PHF14: variants seen among roughly 807,000 people sequenced by gnomAD.
The protein encoded by PHF14 is PHD finger protein 14.
Under a neutral mutation model 117.9 loss-of-function variants are expected in PHF14, and 55 were observed. The observed-to-expected ratio is 0.47, with a 90% CI of 0.38 to 0.58. The LOEUF is 0.58. Ranked by LOEUF, PHF14 falls within the 20% of genes least tolerant of loss-of-function variation. The probability of loss-of-function intolerance (pLI) is 0.00; values close to 1 mark genes in which losing one functional copy is unlikely to be tolerated. For missense variants in PHF14, 978 were observed against 1,122.2 expected (o/e 0.87, Z 1.84); for synonymous variants, 409 against 368.6 (o/e 1.11, Z -1.26).
intron 16 of PHF14, among the ~76,000 whole-genome samples, chr7:11,069,698 C>A (rs952100976): frequency 3.7e-5 from 5 of 135,924 alleles, no homozygotes; most frequent in African/African-American, 1.4e-4. Flanking sequence ...TCCTTCCTTC[C>A]TTCTTTCTTG....
At chr7:11,127,357 C>T (rs1292413363) in intron 17 of PHF14, among the ~76,000 whole-genome samples, 1 of 151,608 alleles carries the variant, frequency 6.6e-6, no homozygotes, top group Admixed American at 6.6e-5. Flanking sequence ...TTCCGTTTAT[C>T]TCTTTTTTGA....
chr7:11,143,091 G>A (rs1197313599), intron 17 of PHF14, among the ~76,000 whole-genome samples: 2 of 152,014 alleles, frequency 1.3e-5, no homozygotes, highest in Non-Finnish European at 2.9e-5. Flanking sequence ...CTTACTTTGG[G>A]TATCTATATT....
intron 3 of PHF14, among the ~76,000 whole-genome samples, chr7:10,985,898 C>T (rs957460456): frequency 2.0e-5 from 3 of 152,018 alleles, no homozygotes; most frequent in Non-Finnish European, 4.4e-5. Flanking sequence ...AGTGATCCAC[C>T]TGCCTTGGCC....
chr7:10,994,666 C>T (rs1041502156), intron 4 of PHF14, among the ~76,000 whole-genome samples: 1 of 151,998 alleles, frequency 6.6e-6, no homozygotes, highest in African/African-American at 2.4e-5. Flanking sequence ...TGTGGATCCT[C>T]GCGGTGAGTG....
intron 4 of PHF14, among the ~76,000 whole-genome samples, chr7:10,994,771 C>G (rs1294330985): frequency 2.0e-5 from 3 of 152,060 alleles, no homozygotes; most frequent in African/African-American, 4.8e-5. Flanking sequence ...CGTGGTCTCG[C>G]TGGCTCAGGA....
At position 10,983,063 on chromosome 7, in the gene PHF14, CAAG is replaced by C. The variant is rs750302120; in HGVS notation, c.815_817del (p.Lys272del). The C allele has an allele frequency of 8.1e-6, 13 of 1,597,532 alleles. No individual in the cohort carries two copies. The African/African-American group carries it at 1.1e-4, about 13-fold the overall frequency. Reference sequence around the variant, plus strand: ...GTAGCCCTGCCAGTGAAGGGGGTTGCAAGAAGAAGAAGAGTAAAGTTCTTAGCA... The same window carrying C: ...GTAGCCCTGCCAGTGAAGGGGGTTGCAAGAAGAAGAGTAAAGTTCTTAGCA... On this transcript the variant is annotated inframe_deletion, in exon 3 of 18. Transcript: ENST00000634607.
At chr7:11,038,004 C>T (rs139291211) in intron 10 of PHF14, among the ~76,000 whole-genome samples, 110 of 152,036 alleles carry the variant, frequency 7.2e-4, no homozygotes, top group Middle Eastern at 3.4e-3. Context: ...AAGGTATAAA[C>T]GTAGTTACCA....
chr7:11,112,801 A>C (rs995947224), intron 17 of PHF14, among the ~76,000 whole-genome samples: 2 of 152,068 alleles, frequency 1.3e-5, no homozygotes, highest in African/African-American at 4.8e-5. Flanking sequence ...TATTTGTATG[A>C]GGATTATTAA....
At chr7:11,092,420 A>C (rs552967652) in intron 16 of PHF14, among the ~76,000 whole-genome samples, 1 of 152,332 alleles carries the variant, frequency 6.6e-6, no homozygotes, top group African/African-American at 2.4e-5. Context: ...TATGGCAATC[A>C]CTGCCTTATG....
In PHF14 at chr7:10,982,758, C is replaced by G; in HGVS notation, c.499C>G (p.Pro167Ala). 1 of 1,613,830 alleles carries G rather than the reference C, an allele frequency of 6.2e-7. No homozygotes were observed. ...PPAVNTSPSV[P>A]TTTTATEEQV... Reference sequence around the variant, plus strand: ...TGCTGTTAACACATCCCCTTCTGTTCCCACTACGACAACCGCTACAGAGGA... The same window carrying G: ...TGCTGTTAACACATCCCCTTCTGTTGCCACTACGACAACCGCTACAGAGGA... The change falls in exon 3 of 18, where the codon CCC (proline) becomes GCC (alanine). Residue 167 changes from proline to alanine, a missense_variant. Physicochemically the swap from Pro to Ala is conservative, Grantham distance 27. Transcript: ENST00000634607.
At chr7:11,051,268 A>G (rs1044551102) in intron 13 of PHF14, among the ~76,000 whole-genome samples, 2 of 151,814 alleles carry the variant, frequency 1.3e-5, no homozygotes, top group Non-Finnish European at 2.9e-5. Flanking sequence ...ATCCTGCCTC[A>G]GTCTCCTGAA....
At chr7:11,167,393 A>G (rs1312517430) in intron 17 of PHF14, among the ~76,000 whole-genome samples, 1 of 152,198 alleles carries the variant, frequency 6.6e-6, no homozygotes, top group African/African-American at 2.4e-5. Flanking sequence ...AGTACTAGCA[A>G]TCTTAATTTA....
chr7:11,091,865 G>A (rs778255644), intron 16 of PHF14, among the ~76,000 whole-genome samples: 3 of 152,022 alleles, frequency 2.0e-5, no homozygotes, highest in Non-Finnish European at 2.9e-5. Context: ...CTAATTTTCC[G>A]ACCTTTGCTT....
chr7:11,091,652 G>A (rs373917896), intron 16 of PHF14, among the ~76,000 whole-genome samples: 7 of 152,056 alleles, frequency 4.6e-5, no homozygotes, highest in East Asian at 1.9e-4. Context: ...CAGCTACTCC[G>A]GAGGCTGAGG....
At chr7:11,004,891 C>G (rs139184129) in intron 4 of PHF14, among the ~76,000 whole-genome samples, 367 of 151,950 alleles carry the variant, frequency 2.4e-3, no homozygotes, top group African/African-American at 8.3e-3. Context: ...CAAAAATTAG[C>G]CTGTAATCCC....
intron 7 of PHF14, among the ~76,000 whole-genome samples, chr7:11,033,355 A>G (rs558802176): frequency 3.4e-4 from 52 of 152,158 alleles, no homozygotes; most frequent in Non-Finnish European, 5.6e-4. Context: ...CCTTTAGTCT[A>G]TTGCACTCTC....
At chr7:11,101,805 A>G (rs1787103478) in intron 16 of PHF14, among the ~76,000 whole-genome samples, 1 of 151,886 alleles carries the variant, frequency 6.6e-6, no homozygotes, top group Admixed American at 6.6e-5. Flanking sequence ...ATCTTCACAG[A>G]TCTAAATGTT....
At chr7:10,974,374 A>G (rs778131832) in intron 1 of PHF14, 50 bp downstream of exon 1, 30 of 1,530,218 alleles carry the variant, frequency 2.0e-5, no homozygotes, top group African/African-American at 2.7e-5. Context: ...CAGCCATTCT[A>G]GAAGTCAGGG....
At chr7:11,013,996 T>A in intron 5 of PHF14, 90 bp downstream of exon 5, 1 of 747,076 alleles carries the variant, frequency 1.3e-6, no homozygotes, top group Admixed American at 2.8e-5. Flanking sequence ...ATTACACACT[T>A]TCATTTGATT....
Sources: gnomAD v4.1 joint callset for allele counts (sites outside exome capture counted in the v4.1 genomes callset) on GRCh38, gnomAD v4.1.1 for gene constraint, MANE v1.5 for transcripts, NCBI Gene and HGNC (gene_info 2026-07-23, HGNC 2026-07-21) for gene names.